PTPRA: variants seen among roughly 807,000 people sequenced by gnomAD.
PTPRA encodes the protein protein tyrosine phosphatase receptor type A, also known as receptor-type tyrosine-protein phosphatase alpha.
PTPRA carries 25 observed loss-of-function variants against 104.8 expected under a neutral mutation model. That is an observed-to-expected ratio of 0.24 (90% confidence interval 0.17 to 0.33). PTPRA has a LOEUF of 0.33. Among genes scored for constraint, PTPRA ranks in the 10% least tolerant of loss-of-function variants. The pLI is 1.00. For missense variants in PTPRA, 765 were observed against 1,015.3 expected, an observed-to-expected ratio of 0.75 and a Z score of 3.35; for synonymous variants, 323 against 368.9, an observed-to-expected ratio of 0.88 and a Z score of 1.43.
chr20:2,879,262 C>G (rs2089919309), intron 1 of PTPRA, among the ~76,000 whole-genome samples: 1 of 152,202 alleles, frequency 6.6e-6, no homozygotes, highest in Non-Finnish European at 1.5e-5. Flanking sequence ...CAGCGCTTCG[C>G]TAACTTGAAT....
At chr20:2,975,031 G>C (rs970127159) in intron 5 of PTPRA, among the ~76,000 whole-genome samples, 184 bp from the exon 6 acceptor site, 8 of 152,158 alleles carry the variant, frequency 5.3e-5, no homozygotes, top group Admixed American at 1.3e-4. Context: ...TGTGTACCCA[G>C]GGAGAAGGCC....
chr20:3,025,039 T>TGCAGGCA (rs910059543), intron 17 of PTPRA, among the ~76,000 whole-genome samples: 16 of 132,354 alleles, frequency 1.2e-4, no homozygotes, highest in South Asian at 6.5e-4. Context: ...AAACTTTATT[T>TGCAGGCA]GCAGGCAGCA....
chr20:2,983,568 C>CAAAAAAAAAAAAAA (rs58694839), intron 6 of PTPRA, among the ~76,000 whole-genome samples: 2 of 93,394 alleles, frequency 2.1e-5, no homozygotes, highest in African/African-American at 4.1e-5. Flanking sequence ...AAAAAAAATG[C>CAAAAAAAAAAAAAA]AAAAAAAAAA....
intron 13 of PTPRA, among the ~76,000 whole-genome samples, chr20:3,020,704 C>A (rs2064824019): frequency 6.6e-6 from 1 of 152,230 alleles, no homozygotes; most frequent in Non-Finnish European, 1.5e-5. Context: ...TACCGTGTTT[C>A]TCAAGGATGG....
intron 2 of PTPRA, among the ~76,000 whole-genome samples, chr20:2,933,377 C>G (rs977675215): frequency 2.0e-5 from 3 of 151,370 alleles, no homozygotes; most frequent in African/African-American, 7.3e-5. Flanking sequence ...GTTATTTAAC[C>G]TTTTGCCTGT....
At chr20:2,865,222 C>A in the PTPRA span, 4 of 1,614,210 alleles carry the variant, frequency 2.5e-6, no homozygotes, top group Admixed American at 3.3e-5. The surrounding 1 kb of genome is among the most constrained non-coding windows in gnomAD (Gnocchi z 5.2). Flanking sequence ...AGTTCCTAGA[C>A]CTGTCTCTAC....
chr20:2,989,022 A>G (rs1452569823), intron 9 of PTPRA, among the ~76,000 whole-genome samples: 2 of 152,262 alleles, frequency 1.3e-5, no homozygotes, highest in Admixed American at 1.3e-4. Context: ...GGGAGACTGC[A>G]GAGCACAGGT....
chr20:3,018,493 C>T (rs1343694834), intron 13 of PTPRA, among the ~76,000 whole-genome samples: 2 of 151,648 alleles, frequency 1.3e-5, no homozygotes, highest in Admixed American at 1.3e-4. Flanking sequence ...TTAATCCATT[C>T]AACCCTGAGT....
At chr20:2,959,902 A>G (rs546249186) in intron 3 of PTPRA, among the ~76,000 whole-genome samples, 4 of 152,060 alleles carry the variant, frequency 2.6e-5, no homozygotes, top group Non-Finnish European at 5.9e-5. Context: ...AGTGAGCCAC[A>G]GTCATGCCCC....
intron 9 of PTPRA, among the ~76,000 whole-genome samples, chr20:2,989,797 C>A (rs1262669343): frequency 1.3e-5 from 2 of 152,134 alleles, no homozygotes; most frequent in Admixed American, 1.3e-4. Flanking sequence ...GCGGGCGGAT[C>A]ACAAGGTCAG....
chr20:2,869,986 A>G (rs938198907), upstream of PTPRA, among the ~76,000 whole-genome samples: 2 of 151,484 alleles, frequency 1.3e-5, no homozygotes, highest in Non-Finnish European at 2.9e-5. Flanking sequence ...AAATATATAT[A>G]TATATATCGA....
intron 1 of PTPRA, among the ~76,000 whole-genome samples, chr20:2,887,649 A>G (rs1450964902): frequency 2.6e-5 from 4 of 152,250 alleles, no homozygotes; most frequent in African/African-American, 7.2e-5. Flanking sequence ...TTGATTGACA[A>G]ATAGCTTAAC....
chr20:2,969,941 G>A (rs1024787627), intron 5 of PTPRA, among the ~76,000 whole-genome samples: 1 of 151,128 alleles, frequency 6.6e-6, no homozygotes, highest in Non-Finnish European at 1.5e-5. Flanking sequence ...CTACACTCCA[G>A]CCTGGGCAAC....
At chr20:2,995,763 G>A (rs149622249) in intron 9 of PTPRA, among the ~76,000 whole-genome samples, 38 of 152,198 alleles carry the variant, frequency 2.5e-4, no homozygotes, top group African/African-American at 8.7e-4. Context: ...TGAGTCTTGG[G>A]TTTTCATTTC....
At chr20:2,921,128 G>A (rs560887723) in intron 1 of PTPRA, among the ~76,000 whole-genome samples, 1 of 152,090 alleles carries the variant, frequency 6.6e-6, no homozygotes, top group Admixed American at 6.5e-5. Flanking sequence ...GGTTACTGTC[G>A]TTCTGTCTGG....
At chr20:2,870,015 C>T (rs1213402611), upstream of PTPRA, among the ~76,000 whole-genome samples, 1 of 151,908 alleles carries the variant, frequency 6.6e-6, no homozygotes, top group Admixed American at 6.6e-5. Flanking sequence ...TCCTACAACT[C>T]ACCTTCTCAG....
At chr20:2,943,389 G>A (rs2061002002) in intron 2 of PTPRA, among the ~76,000 whole-genome samples, 3 of 152,112 alleles carry the variant, frequency 2.0e-5, no homozygotes, top group Admixed American at 1.3e-4. Context: ...AAGTTCAAGG[G>A]TAGTCTGCTG....
intron 3 of PTPRA, among the ~76,000 whole-genome samples, chr20:2,959,786 A>G (rs1253246243): frequency 6.6e-6 from 1 of 152,070 alleles, no homozygotes; most frequent in African/African-American, 2.4e-5. Flanking sequence ...CCCCATGTCT[A>G]CTAACAATAC....
intron 3 of PTPRA, among the ~76,000 whole-genome samples, chr20:2,949,963 A>T (rs950710049): frequency 1.2e-4 from 18 of 152,052 alleles, no homozygotes; most frequent in Admixed American, 6.6e-5. Context: ...TATATGCTAG[A>T]TTCAATTTGT....
Sources: allele counts gnomAD v4.1 joint callset (sites outside exome capture counted in the v4.1 genomes callset), GRCh38; gene constraint gnomAD v4.1.1; non-coding constraint Gnocchi (gnomAD v3.1); transcripts MANE v1.5; gene names NCBI Gene and HGNC (gene_info 2026-07-23, HGNC 2026-07-21).